Variants in PLCB4 observed in about 807,000 individuals in gnomAD.
PLCB4 encodes 1-phosphatidylinositol 4,5-bisphosphate phosphodiesterase beta-4.
In PLCB4, 77 loss-of-function variants were observed where a neutral mutation model predicts 178.8. The ratio of observed to expected loss-of-function variants is 0.43; its 90% CI spans 0.36 to 0.52. The LOEUF (loss-of-function observed/expected upper bound fraction) is 0.52, where lower values mean the gene tolerates loss of function less well. PLCB4 is among the 20% of genes least tolerant of loss of function. PLCB4 has a pLI of 0.00. For synonymous variants in PLCB4, 496 were observed against 490.8 expected, an observed-to-expected ratio of 1.01 and a Z score of -0.14; for missense variants, 1,024 against 1,453.4, an observed-to-expected ratio of 0.70 and a Z score of 4.80.
chr20:9,225,155 G>C (rs958794917), intron 3 of PLCB4, among the ~76,000 whole-genome samples: 1 of 152,118 alleles, frequency 6.6e-6, no homozygotes, highest in African/African-American at 2.4e-5. Flanking sequence ...GTAGAATCTA[G>C]CTGGTAAGTA....
chr20:9,276,393 G>A lies in PLCB4; in HGVS notation c.-15-31407G>A, dbSNP rs1310939029. Among the ~76,000 whole-genome samples the A allele has an allele frequency of 2.6e-5, 4 of 152,040 alleles. No homozygotes were observed. In the East Asian group the frequency reaches 5.8e-4, roughly 22 times the overall value. On this transcript the variant is annotated intron_variant, in intron 3 of 39. Coordinates refer to ENST00000378473, the MANE Select transcript of PLCB4 (RefSeq NM_001377142.1). ...ATTTCATGGGCCAGGACTCAGGTGT[G>A]GGGGCCTGAGAAGAGGAGCCAGATG... is the stretch of plus-strand genomic sequence containing the variant.
chr20:9,185,630 A>G (rs1798018319), intron 2 of PLCB4, among the ~76,000 whole-genome samples: 1 of 152,158 alleles, frequency 6.6e-6, no homozygotes, highest in African/African-American at 2.4e-5. Flanking sequence ...CCCTGCTCAG[A>G]GCCCTCCAAG....
rs552364918 is a variant in PLCB4 at position 9,390,780 on chromosome 20, CAAAAT to C, written c.1323+169_1323+173del. ...TGCTTCAGAGGGATGTAAAGAGACACAAAATAAACATCTGGTTCAATTTCATTTGG... is the reference window on the plus strand; with the variant it reads ...TGCTTCAGAGGGATGTAAAGAGACACAAACATCTGGTTCAATTTCATTTGG... On this transcript the variant is annotated intron_variant, in intron 17 of 39. Transcript: ENST00000378473. Among the ~76,000 whole-genome samples, 1,006 of 152,276 alleles carry C rather than the reference CAAAAT, an allele frequency of 6.6e-3. 3 individuals are homozygous for C. The highest frequency in any genetic ancestry group is 8.7e-3 in the South Asian group (42 of 4,816).
intron 20 of PLCB4, among the ~76,000 whole-genome samples, chr20:9,404,962 A>G (rs1186456083): frequency 1.3e-5 from 2 of 152,226 alleles, no homozygotes; most frequent in African/African-American, 4.8e-5. Flanking sequence ...TGCACCAGCA[A>G]ACAGTCCATA....
chr20:9,296,692 G>A, intron 3 of PLCB4, among the ~76,000 whole-genome samples: 1 of 152,148 alleles, frequency 6.6e-6, no homozygotes, highest in Non-Finnish European at 1.5e-5. Flanking sequence ...AAAAGGATGA[G>A]TTCATGTCCT....
chr20:9,307,032 A>C (rs2094775502), intron 3 of PLCB4, among the ~76,000 whole-genome samples: 1 of 152,150 alleles, frequency 6.6e-6, no homozygotes, highest in South Asian at 2.1e-4. Flanking sequence ...GGACTCTTGC[A>C]AGCCCAGAAT....
At chr20:9,301,496 A>G (rs1462640082) in intron 3 of PLCB4, among the ~76,000 whole-genome samples, 1 of 152,050 alleles carries the variant, frequency 6.6e-6, no homozygotes, top group African/African-American at 2.4e-5. Context: ...TGGTCTGGTA[A>G]TTCCTGAAGA....
intron 35 of PLCB4, among the ~76,000 whole-genome samples, chr20:9,465,234 G>A (rs2043688600): frequency 6.6e-6 from 1 of 151,996 alleles, no homozygotes; most frequent in African/African-American, 2.4e-5. Context: ...AATTCAACAG[G>A]CCTTCATGCT....
chr20:9,182,834 C>G (rs996331876), intron 2 of PLCB4, among the ~76,000 whole-genome samples: 16 of 152,188 alleles, frequency 1.1e-4, no homozygotes, highest in Non-Finnish European at 2.9e-5. Flanking sequence ...TGAGACACCA[C>G]CAGCAGCAAC....
chr20:9,304,753 G>T (rs1328439834), intron 3 of PLCB4, among the ~76,000 whole-genome samples: 1 of 110,126 alleles, frequency 9.1e-6, no homozygotes. Flanking sequence ...CTCTGCCTCT[G>T]CTTTTTCTCT....
intron 35 of PLCB4, among the ~76,000 whole-genome samples, chr20:9,463,078 A>G (rs1272706084): frequency 6.6e-6 from 1 of 152,178 alleles, no homozygotes; most frequent in Non-Finnish European, 1.5e-5. Context: ...CTCGGCAGAA[A>G]CCCTACAAGC....
chr20:9,099,389 T>C (rs985536122), intron 2 of PLCB4, among the ~76,000 whole-genome samples: 4 of 152,218 alleles, frequency 2.6e-5, no homozygotes, highest in Non-Finnish European at 5.9e-5. Context: ...TTTTCTTGTA[T>C]GGTAGCTTGG....
chr20:9,397,383 C>T (rs964421499), intron 19 of PLCB4, among the ~76,000 whole-genome samples: 3 of 152,196 alleles, frequency 2.0e-5, no homozygotes, highest in African/African-American at 7.2e-5. Context: ...AACCTCTCAG[C>T]GTCATCCATG....
chr20:9,249,262 G>A (rs2094155526), intron 3 of PLCB4, among the ~76,000 whole-genome samples: 1 of 151,650 alleles, frequency 6.6e-6, no homozygotes, highest in African/African-American at 2.4e-5. Flanking sequence ...GGGTACATGT[G>A]CACAACACGC....
intron 3 of PLCB4, among the ~76,000 whole-genome samples, chr20:9,269,283 G>A (rs547894072): frequency 6.6e-6 from 1 of 152,292 alleles, no homozygotes; most frequent in South Asian, 2.1e-4. Context: ...CCTTGGCTAT[G>A]ACCTCCCACA....
At chr20:9,131,014 A>G (rs764872161) in intron 2 of PLCB4, among the ~76,000 whole-genome samples, 12 of 152,196 alleles carry the variant, frequency 7.9e-5, no homozygotes, top group Non-Finnish European at 1.6e-4. Context: ...ATGTAACAGC[A>G]TCATGTGAAG....
At chr20:9,089,984 C>A (rs143595903) in intron 1 of PLCB4, among the ~76,000 whole-genome samples, 1 of 152,064 alleles carries the variant, frequency 6.6e-6, no homozygotes, top group African/African-American at 2.4e-5. Flanking sequence ...GTAAAGGAGT[C>A]CTAATTTACT....
chr20:9,478,989 A>C lies in PLCB4; in HGVS notation c.3601A>C (p.Lys1201Gln). 2.5e-6 allele frequency: 4 copies of C among 1,613,220 alleles called. No individual in the cohort carries two copies. Among genetic ancestry groups the C allele is most frequent in the Non-Finnish European group, 3.4e-6 (4 of 1,179,318 alleles). Reference sequence around the variant, plus strand: ...ACCGCAGACCAGCAACAGTAGTATGAAACTCCAAAATGCAAACTGAAGCAG... The same window carrying C: ...ACCGCAGACCAGCAACAGTAGTATGCAACTCCAAAATGCAAACTGAAGCAG... ...DGPQTSNSSMKLQNAN is the reference protein window; with the variant it reads ...DGPQTSNSSMQLQNAN Residue 1201 changes from lysine to glutamine, a missense_variant, in exon 40 of 40, where the codon AAA (lysine) becomes CAA (glutamine). Transcript: ENST00000378473.
At chr20:9,298,897 T>A (rs1288362511) in intron 3 of PLCB4, among the ~76,000 whole-genome samples, 1 of 152,086 alleles carries the variant, frequency 6.6e-6, no homozygotes, top group East Asian at 1.9e-4. Flanking sequence ...TTGTTTTTAA[T>A]CATGTGATGC....
Sources: gnomAD v4.1 joint callset for allele counts (sites outside exome capture counted in the v4.1 genomes callset) on GRCh38, gnomAD v4.1.1 for gene constraint, MANE v1.5 for transcripts, NCBI Gene and HGNC (gene_info 2026-07-23, HGNC 2026-07-21) for gene names.